Variants in SIGLEC5 observed in about 807,000 individuals in gnomAD.
SIGLEC5 encodes sialic acid-binding Ig-like lectin 5.
In SIGLEC5, 34 loss-of-function variants were observed where a neutral mutation model predicts 45.9. That is an observed-to-expected ratio of 0.74 (90% CI 0.56 to 0.99). The LOEUF is 0.99. Ranked by LOEUF, SIGLEC5 falls within the 50% of genes least tolerant of loss-of-function variation. The pLI, the probability that SIGLEC5 is intolerant of heterozygous loss-of-function variation, is 0.00. For synonymous variants in SIGLEC5, 203 were observed against 258.6 expected (o/e 0.79, Z 2.06); for missense variants, 508 against 629.6 (o/e 0.81, Z 2.07).
At chr19:51,616,628 C>G (rs1983065150) in intron 8 of SIGLEC5, among the ~76,000 whole-genome samples, 2 of 152,006 alleles carry the variant, frequency 1.3e-5, no homozygotes, top group Admixed American at 6.6e-5. Context: ...AAATAGAAAA[C>G]TGGCCAGGCG....
At chr19:51,623,582 C>T (rs1477758318) in intron 8 of SIGLEC5, among the ~76,000 whole-genome samples, 1 of 151,970 alleles carries the variant, frequency 6.6e-6, no homozygotes, top group Non-Finnish European at 1.5e-5. Context: ...AAATCAATAC[C>T]ATAGTGAGAT....
rs1982891329 is a variant in SIGLEC5, at chr19:51,612,410, T to G, written c.1477A>C (p.Lys493Gln). Residue 493 changes from lysine (K) to glutamine (Q), a missense_variant, in exon 9 of 9, where the codon AAG becomes CAG. Around this residue, in one of 2 missense-constraint regions of SIGLEC5, gnomAD observed 431 missense variants for 428.8 expected, o/e 1.01. Transcript: ENST00000683636. ...MGTITSGSRK[K>Q]PWPDSPGDQA... is the part of the protein sequence containing the mutation. ...TCTCCGGGGCTGTCTGGCCAGGGCT[T>G]CTTCCTGGAACCCTGAGTAAAGGGG... The G allele has an allele frequency of 6.2e-7, 1 of 1,610,450 alleles. No homozygotes were observed. Among genetic ancestry groups the G allele is most frequent in the East Asian group, 2.2e-5 (1 of 44,676 alleles).
At chr19:51,629,135 C>A in intron 3 of SIGLEC5, 59 bp from the exon 4 acceptor site, 1 of 1,586,550 alleles carries the variant, frequency 6.3e-7, no homozygotes, top group Non-Finnish European at 8.6e-7. Flanking sequence ...GGCATGGGCC[C>A]AGGAGGTACC....
intron 8 of SIGLEC5, 78 bp from the exon 9 acceptor site, chr19:51,612,500 G>T: frequency 9.6e-7 from 1 of 1,043,928 alleles, no homozygotes; most frequent in Non-Finnish European, 1.4e-6. Flanking sequence ...ATATTTATAT[G>T]TTGCCTTGGG....
At chr19:51,629,809 C>A in intron 2 of SIGLEC5, 24 bp downstream of exon 2, 1 of 1,314,896 alleles carries the variant, frequency 7.6e-7, no homozygotes, top group Non-Finnish European at 1.1e-6. Flanking sequence ...GTCCCAGGGT[C>A]CTCTCCTGGG....
Position 51,627,230 on chromosome 19 carries a change from G to A in SIGLEC5, c.1301C>T (p.Thr434Ile). ...ACCAAGGGCTGCAGGAACCACTCCT[G>A]TCCCGAGGTTCGATCTCCCTGCAGA... ...LLLQGRSNLGTGVVPAALGGA... is the reference protein window; with the variant it reads ...LLLQGRSNLGIGVVPAALGGA... The change falls in exon 7 of 9, where the codon ACA becomes ATA. Residue 434 changes from threonine to isoleucine, a missense_variant. This residue lies in a region of SIGLEC5 where 431 missense variants were observed against 428.8 expected (regional missense o/e 1.01). Coordinates refer to ENST00000683636, the MANE Select transcript of SIGLEC5 (RefSeq NM_003830.4). 6.2e-7 allele frequency: 1 copy of A among 1,614,058 alleles called. No homozygotes were observed. The highest frequency in any genetic ancestry group is 8.5e-7 in the Non-Finnish European group (1 of 1,179,970).
chr19:51,627,438 G>T, intron 6 of SIGLEC5, 24 bp downstream of exon 6: 1 of 1,598,364 alleles, frequency 6.3e-7, no homozygotes, highest in African/African-American at 1.3e-5. Flanking sequence ...TCAGGCCCCT[G>T]CCCTCTGCAA....
chr19:51,616,919 C>CA lies in SIGLEC5; in HGVS notation c.1465-4498dup, dbSNP rs71187696. Among the ~76,000 whole-genome samples the CA allele has an allele frequency of 2.7e-4, 29 of 106,596 alleles. 2 individuals carry two copies. Among genetic ancestry groups the CA allele is most frequent in the South Asian group, 9.0e-4 (3 of 3,324 alleles). 69.9% of individuals were successfully genotyped at this position (106,596 alleles called of 152,430 possible). On this transcript the variant is annotated intron_variant, in intron 8 of 8. Coordinates refer to ENST00000683636, the MANE Select transcript of SIGLEC5 (RefSeq NM_003830.4). ...GAGTGAGACTGTCAAAAAAAAAAAA[C>CA]AAAAAAAAAAAACACTTGAACATTT... is the stretch of plus-strand genomic sequence containing the variant.
At chr19:51,628,814 TGTGTGTGTGTGC>T (rs1214785075) in intron 4 of SIGLEC5, among the ~76,000 whole-genome samples, 33 of 146,826 alleles carry the variant, frequency 2.2e-4, no homozygotes, top group East Asian at 7.9e-4. Flanking sequence ...TGTATATGCA[TGTGTGTGTGTGC>T]GTGTGTGTGT....
At chr19:51,615,253 T>C (rs767892542) in intron 8 of SIGLEC5, among the ~76,000 whole-genome samples, 24 of 151,996 alleles carry the variant, frequency 1.6e-4, no homozygotes, top group Non-Finnish European at 3.5e-4. Context: ...AACAAAACTT[T>C]ACAAATCAAT....
At chr19:51,615,574 G>T (rs1983023315) in intron 8 of SIGLEC5, among the ~76,000 whole-genome samples, 1 of 152,170 alleles carries the variant, frequency 6.6e-6, no homozygotes, top group Non-Finnish European at 1.5e-5. Flanking sequence ...ACTGGTCTTT[G>T]ACATTCTCCT....
Position 51,627,766 on chromosome 19 carries a change from A to T in SIGLEC5, c.998-20T>A. 1 of 1,571,324 alleles carries T rather than the reference A, an allele frequency of 6.4e-7. No homozygotes were observed. The highest frequency in any genetic ancestry group is 1.2e-5 in the South Asian group (1 of 84,180). On this transcript the variant is annotated intron_variant, in intron 5 of 8. Transcript: ENST00000683636. ...GGAGGGCTGTGGGGAGGGAGGACAGAACTCAGCAGGGGGCCTCTTCCTTCT... is the reference window on the plus strand; with the variant it reads ...GGAGGGCTGTGGGGAGGGAGGACAGTACTCAGCAGGGGGCCTCTTCCTTCT...
At chr19:51,613,179 A>G (rs1030977710) in intron 8 of SIGLEC5, among the ~76,000 whole-genome samples, 2 of 152,120 alleles carry the variant, frequency 1.3e-5, no homozygotes, top group Non-Finnish European at 2.9e-5. Context: ...GCCAGGATAA[A>G]CAAGTTTGCT....
chr19:51,616,905 T>TG (rs1568588478), intron 8 of SIGLEC5, among the ~76,000 whole-genome samples: 1 of 5,040 alleles, frequency 2.0e-4, no homozygotes, highest in East Asian at 6.6e-3. Flanking sequence ...AGTGAGACTG[T>TG]CAAAAAAAAA....
In SIGLEC5 at chr19:51,612,718, T is replaced by C. The variant is rs1436804945; in HGVS notation, c.1465-296A>G. The stretch of plus-strand genomic sequence containing the variant: ...TACGTATTGACTCCTGTGTCCCTCA[T>C]AGGCTGCGCAGATATACTGCAGCAA... On this transcript the variant is annotated intron_variant, in intron 8 of 8. Coordinates refer to ENST00000683636, the MANE Select transcript of SIGLEC5 (RefSeq NM_003830.4). Among the ~76,000 whole-genome samples, 5 of 152,282 alleles carry C rather than the reference T, an allele frequency of 3.3e-5. No homozygotes were observed. In the East Asian group the frequency reaches 9.6e-4, roughly 29 times the overall value.
At chr19:51,628,411 G>A (rs1331726011) in intron 4 of SIGLEC5, among the ~76,000 whole-genome samples, 2 of 152,204 alleles carry the variant, frequency 1.3e-5, no homozygotes, top group Admixed American at 6.5e-5. Context: ...GAGGATGCAG[G>A]AGTGGAAGGG....
intron 8 of SIGLEC5, among the ~76,000 whole-genome samples, chr19:51,617,630 T>C (rs1481058407): frequency 6.6e-6 from 1 of 151,980 alleles, no homozygotes; most frequent in Non-Finnish European, 1.5e-5. Context: ...GGGGATAAAA[T>C]ATATTTCCAG....
intron 8 of SIGLEC5, among the ~76,000 whole-genome samples, chr19:51,616,491 A>G (rs932672813): frequency 6.6e-6 from 1 of 152,230 alleles, no homozygotes; most frequent in African/African-American, 2.4e-5. Flanking sequence ...GGGATGGAGA[A>G]TAGAATGACT....
At position 51,627,859 on chromosome 19, in the gene SIGLEC5, T is replaced by C. The variant is rs145698028; in HGVS notation, c.972A>G (p.Gln324=). ...CRAQHPLGFL[Q]IFLNLSVYSL... is the part of the protein sequence containing the mutation. Reference sequence around the variant, plus strand: ...AGTAAACTGAGAGATTCAGAAAAATTTGCAGGAAGCCCAGCGGGTGCTGAG... The same window carrying C: ...AGTAAACTGAGAGATTCAGAAAAATCTGCAGGAAGCCCAGCGGGTGCTGAG... The change falls in exon 5 of 9, where the codon CAA becomes CAG. Residue 324 remains glutamine, a synonymous_variant. Coordinates refer to ENST00000683636, the MANE Select transcript of SIGLEC5 (RefSeq NM_003830.4). 3.8e-3 allele frequency: 6,033 copies of C among 1,607,730 alleles called. 14 individuals are homozygous for C. Among genetic ancestry groups the C allele is most frequent in the Non-Finnish European group, 4.8e-3 (5,610 of 1,176,878 alleles).
Sources: gnomAD v4.1 joint callset for allele counts (sites outside exome capture counted in the v4.1 genomes callset) on GRCh38, gnomAD v4.1.1 for gene constraint, gnomAD v4.1.1 regional missense constraint, MANE v1.5 for transcripts, NCBI Gene and HGNC (gene_info 2026-07-23, HGNC 2026-07-21) for gene names.